CIPC: variants seen among roughly 807,000 people sequenced by gnomAD.
The protein encoded by CIPC is CLOCK-interacting pacemaker.
In CIPC, 12 loss-of-function variants were observed where a neutral mutation model predicts 26.7. That is an observed-to-expected ratio of 0.45 (90% CI 0.29 to 0.73). CIPC has a LOEUF of 0.73. CIPC is among the 30% of genes least tolerant of loss of function. The pLI, the probability that CIPC is intolerant of heterozygous loss-of-function variation, is 0.12. For synonymous variants in CIPC, 170 were observed against 189.8 expected (o/e 0.90, Z 0.86); for missense variants, 417 against 486.5 (o/e 0.86, Z 1.34).
intron 1 of CIPC, among the ~76,000 whole-genome samples, chr14:77,100,240 C>CTTTTTTTT (rs57785837): frequency 1.9e-4 from 25 of 130,524 alleles, no homozygotes; most frequent in African/African-American, 3.2e-4. Flanking sequence ...TTCTTTCTTT[C>CTTTTTTTT]TTTTTTTTTT....
chr14:77,110,553 C>G (rs1356790664), intron 3 of CIPC, among the ~76,000 whole-genome samples: 1 of 152,110 alleles, frequency 6.6e-6, no homozygotes, highest in Non-Finnish European at 1.5e-5. Context: ...GGAAACACAT[C>G]CTGTTTGGGG....
At chr14:77,109,694 C>T in intron 2 of CIPC, 118 bp from the exon 3 acceptor site, 2 of 881,216 alleles carry the variant, frequency 2.3e-6, no homozygotes, top group South Asian at 4.9e-5. Flanking sequence ...CAATAAAATT[C>T]ACAAAAACAC....
At chr14:77,110,762 T>C (rs1292257052) in intron 3 of CIPC, among the ~76,000 whole-genome samples, 1 of 152,252 alleles carries the variant, frequency 6.6e-6, no homozygotes, top group Non-Finnish European at 1.5e-5. Context: ...TACTTTCCTC[T>C]GAAAATATAT....
In CIPC at chr14:77,109,870, C is replaced by T. The variant is rs1283458461; in HGVS notation, c.195C>T (p.Ser65=). The change falls in exon 3 of 4, where the codon AGC becomes AGT. Residue 65 remains serine (S), a synonymous_variant. Coordinates refer to ENST00000361786, the MANE Select transcript of CIPC (RefSeq NM_033426.3). ...AGATGGAGTCCGAGGACATGCTGAG[C>T]GCCTTAGGCTGGAGCAGAGAAGACA... The part of the protein sequence containing the change: ...AEQMESEDML[S]ALGWSREDRP... 8.1e-6 allele frequency: 13 copies of T among 1,614,052 alleles called. 1 individual carries two copies. Among genetic ancestry groups the T allele is most frequent in the Admixed American group, 6.7e-5 (4 of 60,010 alleles).
intron 3 of CIPC, 38 bp from the exon 4 acceptor site, chr14:77,113,387 G>C (rs1181623722): frequency 1.2e-6 from 2 of 1,611,480 alleles, no homozygotes; most frequent in African/African-American, 1.3e-5. Flanking sequence ...CCTTTCAGCA[G>C]TAATGAGTAG....
chr14:77,113,378 C>G (rs769238045), intron 3 of CIPC, 47 bp from the exon 4 acceptor site: 7 of 1,607,284 alleles, frequency 4.4e-6, no homozygotes, highest in Non-Finnish European at 6.0e-6. Flanking sequence ...CTCCTCTATC[C>G]TTTCAGCAGT....
rs1886430880 is a variant in CIPC at position 77,099,410 on chromosome 14, CATTTAG to C, written c.-53+1050_-53+1055del. On this transcript the variant is annotated intron_variant, in intron 1 of 3. Transcript: ENST00000361786. ...TGTGGAAGGGAAGATGAATATTAGA[CATTTAG>C]GTAGACAGGGTTTTTCCACTGTTAA... 2.6e-5 allele frequency among the ~76,000 whole-genome samples: 4 copies of C among 152,324 alleles called. No homozygotes were observed. The East Asian group carries it at 7.7e-4, about 29-fold the overall frequency.
intron 3 of CIPC, among the ~76,000 whole-genome samples, chr14:77,112,806 G>T (rs1443996617): frequency 6.6e-6 from 1 of 151,992 alleles, no homozygotes; most frequent in East Asian, 1.9e-4. Flanking sequence ...CACCTCCCAG[G>T]TTCAAGCGAT....
chr14:77,101,296 A>G (rs1886479509), intron 1 of CIPC, among the ~76,000 whole-genome samples: 1 of 152,190 alleles, frequency 6.6e-6, no homozygotes, highest in African/African-American at 2.4e-5. Flanking sequence ...CACTCCCAGG[A>G]GGGCAGTGCT....
chr14:77,103,874 A>G (rs1886541561), intron 1 of CIPC, among the ~76,000 whole-genome samples: 1 of 130,904 alleles, frequency 7.6e-6, no homozygotes, highest in Non-Finnish European at 1.6e-5. Flanking sequence ...CCTTCTGTGC[A>G]CTTCTTGGGC....
Position 77,105,703 on chromosome 14 carries a change from T to G in CIPC, c.-6T>G. 6.2e-7 allele frequency: 1 copy of G among 1,613,020 alleles called. No individual in the cohort carries two copies. The highest frequency in any genetic ancestry group is 8.5e-7 in the Non-Finnish European group (1 of 1,179,610). On this transcript the variant is annotated 5_prime_UTR_variant, in exon 2 of 4. An upstream open reading frame in the 5' UTR loses its in-frame stop. Coordinates refer to ENST00000361786, the MANE Select transcript of CIPC (RefSeq NM_033426.3). ...ACCAATGAATCTGCCTCCAGCTGAA[T>G]AAACCATGGAGAGGAAAAACCCATC...
chr14:77,104,529 A>G (rs1279685017), intron 1 of CIPC, among the ~76,000 whole-genome samples: 2 of 152,184 alleles, frequency 1.3e-5, no homozygotes, highest in African/African-American at 2.4e-5. Context: ...TTCCCTGACT[A>G]CCAGTCTGGC....
chr14:77,114,464 C>G lies in CIPC; in HGVS notation c.*146C>G. ...CACTTAGGAAGCCACGTGCCAATAC[C>G]TGGCTGCTGTCTTAACTCGTAGTCT... On this transcript the variant is annotated 3_prime_UTR_variant, in exon 4 of 4. Coordinates refer to ENST00000361786, the MANE Select transcript of CIPC (RefSeq NM_033426.3). 1 of 807,004 alleles carries G rather than the reference C, an allele frequency of 1.2e-6. No individual in the cohort carries two copies. The highest frequency in any genetic ancestry group is 2.0e-6 in the Non-Finnish European group (1 of 509,608). The allele number at this position is 807,004 out of a possible 1,614,324, so 50.0% of individuals were successfully genotyped here. A position where few individuals can be genotyped will look rare whatever the true frequency, so the allele number is the denominator to read the frequency against.
At position 77,109,918 on chromosome 14, in the gene CIPC, T is replaced by C. The variant is rs201119377; in HGVS notation, c.243T>C (p.Thr81=). The change falls in exon 3 of 4, where the codon ACT becomes ACC. Residue 81 remains threonine, a synonymous_variant. Transcript: ENST00000361786. ...ACAGGCCGAGGCAGAACTCCAAAAC[T>C]GCAAAGAATGCCTTCCCTACCCTGT... ...REDRPRQNSK[T]AKNAFPTLSP... 6.2e-7 allele frequency: 1 copy of C among 1,614,174 alleles called. No individual in the cohort carries two copies. The highest frequency in any genetic ancestry group is 8.5e-7 in the Non-Finnish European group (1 of 1,180,030).
chr14:77,104,379 A>G (rs1156301131), intron 1 of CIPC, among the ~76,000 whole-genome samples: 2 of 152,188 alleles, frequency 1.3e-5, no homozygotes, highest in Admixed American at 1.3e-4. Flanking sequence ...AGAGTGAGAC[A>G]CTGTCTCAAA....
intron 2 of CIPC, among the ~76,000 whole-genome samples, chr14:77,106,342 A>G (rs988986174): frequency 6.6e-6 from 1 of 152,144 alleles, no homozygotes; most frequent in Non-Finnish European, 1.5e-5. Context: ...CCCAGTCTCT[A>G]TGCATTTTGT....
Position 77,113,653 on chromosome 14 carries a change from A to G in CIPC, c.535A>G (p.Lys179Glu). The change falls in exon 4 of 4, where the codon AAA becomes GAA. Residue 179 changes from lysine (K) to glutamate (E), a missense_variant. By Grantham distance (56) the Lys-to-Glu change is moderately conservative (BLOSUM62 1). Coordinates refer to ENST00000361786, the MANE Select transcript of CIPC (RefSeq NM_033426.3). ...KRGLSLGPEEKGTSGVQKKIC... is the reference protein window; with the variant it reads ...KRGLSLGPEEEGTSGVQKKIC... ...GGGCCTTTCCCTTGGCCCAGAAGAAAAAGGAACAAGTGGAGTGCAGAAGAA... is the reference window on the plus strand; with the variant it reads ...GGGCCTTTCCCTTGGCCCAGAAGAAGAAGGAACAAGTGGAGTGCAGAAGAA... 6.2e-7 allele frequency: 1 copy of G among 1,613,990 alleles called. No individual in the cohort carries two copies. Among genetic ancestry groups the G allele is most frequent in the Non-Finnish European group, 8.5e-7 (1 of 1,179,978 alleles).
Position 77,114,007 on chromosome 14 carries a change from G to A in CIPC, c.889G>A (p.Glu297Lys). 6.2e-7 allele frequency: 1 copy of A among 1,614,236 alleles called. No homozygotes were observed. Among genetic ancestry groups the A allele is most frequent in the South Asian group, 1.1e-5 (1 of 91,074 alleles). The change falls in exon 4 of 4, where the codon GAG becomes AAG. Residue 297 changes from glutamate (E) to lysine (K), a missense_variant. Transcript: ENST00000361786. ...ANYSSPLWAA[E>K]HLCRSPDIFS... Reference sequence around the variant, plus strand: ...TTATAGCTCACCTTTATGGGCTGCAGAGCACCTCTGCCGCAGCCCAGATAT... The same window carrying A: ...TTATAGCTCACCTTTATGGGCTGCAAAGCACCTCTGCCGCAGCCCAGATAT...
At chr14:77,101,603 T>C (rs146194731) in intron 1 of CIPC, among the ~76,000 whole-genome samples, 3 of 152,322 alleles carry the variant, frequency 2.0e-5, no homozygotes, top group Non-Finnish European at 4.4e-5. Flanking sequence ...ATAAGGGTCA[T>C]AGTTGACCCT....
Sources: gnomAD v4.1 joint callset for allele counts (sites outside exome capture counted in the v4.1 genomes callset) on GRCh38, gnomAD v4.1.1 for gene constraint, MANE v1.5 for transcripts, NCBI Gene and HGNC (gene_info 2026-07-23, HGNC 2026-07-21) for gene names.